PCDH9: variants seen among roughly 807,000 people sequenced by gnomAD.
PCDH9 encodes the protein protocadherin-9.
Under a neutral mutation model 70.6 loss-of-function variants are expected in PCDH9, and 24 were observed. The observed-to-expected ratio is 0.34, with a 90% CI of 0.25 to 0.48. The LOEUF (loss-of-function observed/expected upper bound fraction) is 0.48, where lower values mean the gene tolerates loss of function less well. Ranked by LOEUF, PCDH9 falls within the 20% of genes least tolerant of loss-of-function variation. The pLI is 0.99. For synonymous variants in PCDH9, 562 were observed against 558.5 expected (o/e 1.01, Z -0.09); for missense variants, 1,281 against 1,503.6 (o/e 0.85, Z 2.45).
intron 2 of PCDH9, among the ~76,000 whole-genome samples, chr13:66,917,159 G>A (rs1242581043): frequency 6.6e-6 from 1 of 151,398 alleles, no homozygotes; most frequent in Non-Finnish European, 1.5e-5. Flanking sequence ...TTATGTTGAT[G>A]TCAACTTAGT....
At chr13:66,879,311 T>C (rs1462997207) in intron 3 of PCDH9, among the ~76,000 whole-genome samples, 1 of 152,200 alleles carries the variant, frequency 6.6e-6, no homozygotes, top group Non-Finnish European at 1.5e-5. Context: ...ATACAAATCT[T>C]AAGCTAATTT....
intron 4 of PCDH9, among the ~76,000 whole-genome samples, chr13:66,611,933 CATT>C (rs2077298135): frequency 6.6e-6 from 1 of 152,178 alleles, no homozygotes; most frequent in Non-Finnish European, 1.5e-5. Context: ...ATAGAAGAGG[CATT>C]ATTTGTACTC....
chr13:66,808,431 C>T (rs1181140803), intron 3 of PCDH9, among the ~76,000 whole-genome samples: 2 of 152,100 alleles, frequency 1.3e-5, no homozygotes, highest in African/African-American at 4.8e-5. Flanking sequence ...ATATTTTTTA[C>T]ATTTACGATA....
chr13:66,326,839 A>C (rs9571572), intron 4 of PCDH9, among the ~76,000 whole-genome samples: 1 of 152,090 alleles, frequency 6.6e-6, no homozygotes, highest in East Asian at 1.9e-4. Flanking sequence ...TTTAAGTTTA[A>C]AAAACTATTA....
intron 4 of PCDH9, among the ~76,000 whole-genome samples, chr13:66,627,858 T>C (rs1408170521): frequency 6.6e-6 from 1 of 152,178 alleles, no homozygotes; most frequent in Non-Finnish European, 1.5e-5. Flanking sequence ...ATTTTCCTGG[T>C]TTAGGACCTC....
At chr13:67,063,635 C>T (rs1175797718) in intron 2 of PCDH9, among the ~76,000 whole-genome samples, 2 of 151,832 alleles carry the variant, frequency 1.3e-5, no homozygotes, top group Non-Finnish European at 2.9e-5. Context: ...CTTTTTAATT[C>T]GTTGCTTTAA....
intron 2 of PCDH9, among the ~76,000 whole-genome samples, chr13:67,171,715 C>G (rs933547921): frequency 2.0e-5 from 3 of 152,124 alleles, no homozygotes; most frequent in Non-Finnish European, 4.4e-5. Flanking sequence ...CTTATTGGTT[C>G]TGTGACCTTG....
intron 3 of PCDH9, among the ~76,000 whole-genome samples, chr13:66,642,626 C>T (rs2077723539): frequency 1.3e-5 from 2 of 151,964 alleles, no homozygotes. Context: ...GGTGTCAACA[C>T]TTTGCCTTTC....
chr13:67,081,719 A>G (rs1335998199), intron 2 of PCDH9, among the ~76,000 whole-genome samples: 3 of 152,154 alleles, frequency 2.0e-5, no homozygotes, highest in Non-Finnish European at 4.4e-5. Flanking sequence ...TGTACTGCAA[A>G]TCTTCTGTTC....
intron 3 of PCDH9, among the ~76,000 whole-genome samples, chr13:66,860,974 A>G (rs1322837765): frequency 2.6e-5 from 4 of 152,226 alleles, no homozygotes; most frequent in East Asian, 1.9e-4. Context: ...CTATGAGCCA[A>G]TGCACTAATT....
At position 66,902,348 on chromosome 13, in the gene PCDH9, C is replaced by T. The variant is rs185485443; in HGVS notation, c.3138+1156G>A. ...TTGCTCAATCCTCTTTCAACTTCCA[C>T]TAATGTTTTATCTAAAAAGAAGTTG... On this transcript the variant is annotated intron_variant, in intron 3 of 4. Transcript: ENST00000377865. 3.0e-3 allele frequency among the ~76,000 whole-genome samples: 436 copies of T among 146,432 alleles called. 1 individual carries two copies. The highest frequency in any genetic ancestry group is 9.9e-3 in the African/African-American group (409 of 41,180).
chr13:66,908,987 T>C (rs1488037662), intron 2 of PCDH9, among the ~76,000 whole-genome samples: 12 of 152,054 alleles, frequency 7.9e-5, no homozygotes, highest in South Asian at 4.1e-4. Context: ...TTATGTGAAA[T>C]AAGAAAAATA....
rs553654413 is a variant in PCDH9, at chr13:66,395,032, G to C, written c.3341-90004C>G. On this transcript the variant is annotated intron_variant, in intron 4 of 4. Transcript: ENST00000377865. ...GGGTATGTCCTCACAAAACAATACT[G>C]GTCATATACAATGTTCTTTTTTGCT... 1.5e-3 allele frequency among the ~76,000 whole-genome samples: 235 copies of C among 152,220 alleles called. 1 individual carries two copies. Among genetic ancestry groups the C allele is most frequent in the African/African-American group, 5.4e-3 (223 of 41,546 alleles).
intron 4 of PCDH9, among the ~76,000 whole-genome samples, chr13:66,380,800 C>T (rs764379894): frequency 6.6e-6 from 1 of 152,158 alleles, no homozygotes; most frequent in Non-Finnish European, 1.5e-5. Context: ...GCCTCGGCCT[C>T]CCAGAGTGCT....
intron 3 of PCDH9, among the ~76,000 whole-genome samples, chr13:66,898,814 G>T (rs2082228158): frequency 6.6e-6 from 1 of 151,758 alleles, no homozygotes; most frequent in African/African-American, 2.4e-5. Context: ...GCTCCATTTG[G>T]TATTATTTAA....
chr13:66,776,674 G>T (rs1236505482), intron 3 of PCDH9, among the ~76,000 whole-genome samples: 2 of 152,140 alleles, frequency 1.3e-5, no homozygotes, highest in Non-Finnish European at 2.9e-5. Context: ...TGGGCAGGAT[G>T]AATCAATATC....
intron 3 of PCDH9, among the ~76,000 whole-genome samples, chr13:66,687,339 G>A (rs2059420496): frequency 6.6e-6 from 1 of 151,986 alleles, no homozygotes; most frequent in Non-Finnish European, 1.5e-5. Context: ...ATGTCTACTG[G>A]CTCATTACTT....
At chr13:67,094,126 A>T (rs1185692162) in intron 2 of PCDH9, among the ~76,000 whole-genome samples, 1 of 152,180 alleles carries the variant, frequency 6.6e-6, no homozygotes, top group Non-Finnish European at 1.5e-5. Flanking sequence ...ACCCCCAAAC[A>T]AGGAGTCAGA....
intron 3 of PCDH9, among the ~76,000 whole-genome samples, chr13:66,717,065 A>C (rs1199376086): frequency 6.6e-6 from 1 of 152,046 alleles, no homozygotes; most frequent in Non-Finnish European, 1.5e-5. Context: ...ATTAGAGCTT[A>C]ATTTTTATGA....
Sources: allele counts gnomAD v4.1 joint callset (sites outside exome capture counted in the v4.1 genomes callset), GRCh38; gene constraint gnomAD v4.1.1; transcripts MANE v1.5; gene names NCBI Gene and HGNC (gene_info 2026-07-23, HGNC 2026-07-21).